The following GHDC variants were observed in gnomAD, a reference collection of about 807,000 sequenced individuals.
GHDC encodes GH3 domain containing.
GHDC carries 39 observed loss-of-function variants against 51.5 expected under a neutral mutation model. The observed-to-expected ratio is 0.76, with a 90% confidence interval of 0.59 to 0.99. The LOEUF (loss-of-function observed/expected upper bound fraction) is 0.99. GHDC is among the 50% of genes least tolerant of loss of function. The probability of loss-of-function intolerance (pLI) is 0.00; values close to 1 mark genes in which losing one functional copy is unlikely to be tolerated. For missense variants in GHDC, 610 were observed against 672.8 expected, an observed-to-expected ratio of 0.91 and a Z score of 1.03; for synonymous variants, 282 against 305.2, an observed-to-expected ratio of 0.92 and a Z score of 0.79.
At position 42,193,045 on chromosome 17, in the gene GHDC, A is replaced by T. The variant is rs375798442; in HGVS notation, c.266-18T>A. 1.2e-5 allele frequency: 20 copies of T among 1,613,978 alleles called. No homozygotes were observed. Among genetic ancestry groups the T allele is most frequent in the Admixed American group, 1.7e-5 (1 of 59,960 alleles). On this transcript the variant is annotated intron_variant, in intron 3 of 9. Transcript: ENST00000587427. ...GCTTATGTCTATAGCCCCAATGACA[A>T]CAGAAACGCCTCAGGAAGCCAGTTT...
intron 9 of GHDC, 110 bp from the exon 10 acceptor site, chr17:42,190,031 G>A (rs1223529883): frequency 6.0e-6 from 8 of 1,331,968 alleles, no homozygotes; most frequent in South Asian, 5.6e-5. Context: ...GTGGACAGGT[G>A]TGTGTCTGTG....
chr17:42,192,936 T>C lies in GHDC; in HGVS notation c.357A>G (p.Ser119=). The change falls in exon 4 of 10, where the codon TCA becomes TCG. Residue 119 remains serine (S), a synonymous_variant. Transcript: ENST00000587427. ...DSGEQPLPPT[S]NQDLGEASLQ... is the part of the protein sequence containing the mutation. ...GAGAGGCCTCCCCAAGGTCCTGGTTTGAGGTCGGGGGCAGTGGCTGCTCTC... is the reference window on the plus strand; with the variant it reads ...GAGAGGCCTCCCCAAGGTCCTGGTTCGAGGTCGGGGGCAGTGGCTGCTCTC... 6.2e-7 allele frequency: 1 copy of C among 1,613,932 alleles called. No individual in the cohort carries two copies. Among genetic ancestry groups the C allele is most frequent in the Non-Finnish European group, 8.5e-7 (1 of 1,179,964 alleles).
At chr17:42,193,695 G>T in intron 2 of GHDC, 72 bp downstream of exon 2, 3 of 1,380,720 alleles carry the variant, frequency 2.2e-6, no homozygotes, top group Non-Finnish European at 2.9e-6. Flanking sequence ...AAATGAAATT[G>T]GGAAGAAGGC....
At position 42,192,283 on chromosome 17, in the gene GHDC, G is replaced by A. The variant is rs1311561814; in HGVS notation, c.847C>T (p.Gln283Ter). Residue 283 changes from glutamine to a stop codon, truncating the protein, a stop_gained, in exon 5 of 10, where the codon CAA becomes TAA. Coordinates refer to ENST00000587427, the MANE Select transcript of GHDC (RefSeq NM_032484.5). LOFTEE classifies it high-confidence loss of function. ...GCAGGAGAGAAGAAGGCTAGTCCTT[G>A]GCACCACAAGGCCCCGAGGGCAGCC... Reference protein sequence around the residue: ...AVAALGALWCQGLAFFSPAYA... With the variant: ...AVAALGALWC 8 of 1,583,202 alleles carry A rather than the reference G, an allele frequency of 5.1e-6. No individual in the cohort carries two copies. Among genetic ancestry groups the A allele is most frequent in the Non-Finnish European group, 6.9e-6 (8 of 1,164,956 alleles).
Position 42,189,768 on chromosome 17 carries a change from CA to C in GHDC, c.1527del (p.Ala510ArgfsTer54). 1 of 1,535,318 alleles carries C rather than the reference CA, an allele frequency of 6.5e-7. No homozygotes were observed. Among genetic ancestry groups the C allele is most frequent in the Non-Finnish European group, 8.8e-7 (1 of 1,141,310 alleles). Reference sequence around the variant, plus strand: ...CTGTGCCGAAGGACCCGGGGCATCGCAGGGGGGAAGGGGGAGGAGGGGCAGG... The same window carrying C: ...CTGTGCCGAAGGACCCGGGGCATCGCGGGGGGAAGGGGGAGGAGGGGCAGG... ...LAACPSSPFP[P>X]AMPRVLRHRH... On this transcript the variant is annotated frameshift_variant, in exon 10 of 10. Coordinates refer to ENST00000587427, the MANE Select transcript of GHDC (RefSeq NM_032484.5). LOFTEE classifies it high-confidence loss of function.
Position 42,189,625 on chromosome 17 carries a change from A to C in GHDC, c.*78T>G. On this transcript the variant is annotated 3_prime_UTR_variant, in exon 10 of 10. Transcript: ENST00000587427. ...ACAGAGTCAGAGACCCTGGCCAAGG[A>C]CTCCCCATCCGGAGAGGTCCCAGAG... The C allele has an allele frequency of 1.5e-6, 1 of 677,420 alleles. No homozygotes were observed. Among genetic ancestry groups the C allele is most frequent in the Non-Finnish European group, 2.3e-6 (1 of 436,168 alleles). The allele number at this position is 677,420 out of a possible 1,614,324, so 42.0% of individuals were successfully genotyped here.
At chr17:42,192,829 A>G in intron 4 of GHDC, 77 bp downstream of exon 4, 1 of 1,570,486 alleles carries the variant, frequency 6.4e-7, no homozygotes, top group Non-Finnish European at 8.6e-7. Flanking sequence ...CCATGACTGG[A>G]GGGTTTGGCT....
Position 42,191,141 on chromosome 17 carries a change from A to G in GHDC, c.959T>C (p.Phe320Ser). ...GLYLLPPGAPFIELLPVKEGT... is the reference protein window; with the variant it reads ...GLYLLPPGAPSIELLPVKEGT... Reference sequence around the variant, plus strand: ...TTCCTTGACTGGGAGCAGCTCGATAAAGGGGGCCCCAGGGGGCAGAAGGTA... The same window carrying G: ...TTCCTTGACTGGGAGCAGCTCGATAGAGGGGGCCCCAGGGGGCAGAAGGTA... Residue 320 changes from phenylalanine to serine, a missense_variant, in exon 6 of 10, where the codon TTT (phenylalanine) becomes TCT (serine). Phe to Ser is a radical substitution (Grantham distance 155). Around this residue, in one of 2 missense-constraint regions of GHDC, gnomAD observed 412 missense variants for 410.4 expected, o/e 1.00. Coordinates refer to ENST00000587427, the MANE Select transcript of GHDC (RefSeq NM_032484.5). The G allele has an allele frequency of 6.4e-7, 1 of 1,554,016 alleles. No individual in the cohort carries two copies. The highest frequency in any genetic ancestry group is 1.7e-4 in the Middle Eastern group (1 of 5,778).
Position 42,193,392 on chromosome 17 carries a change from G to A in GHDC, c.190C>T (p.Gln64Ter), listed in dbSNP as rs1318634567. The A allele has an allele frequency of 6.3e-7, 1 of 1,597,044 alleles. No homozygotes were observed. Among genetic ancestry groups the A allele is most frequent in the Non-Finnish European group, 8.5e-7 (1 of 1,172,174 alleles). Reference sequence around the variant, plus strand: ...CACCTCAGGGCCTGCTGCTGGCTCTGGTGCACATGGAGCGTGCTCTGCTCC... The same window carrying A: ...CACCTCAGGGCCTGCTGCTGGCTCTAGTGCACATGGAGCGTGCTCTGCTCC... ...RLEQSTLHVHQSQQQALRWCL... is the reference protein window; with the variant it reads ...RLEQSTLHVH The change falls in exon 3 of 10, where the codon CAG becomes TAG. Residue 64 changes from glutamine (Q) to a stop codon, truncating the protein, a stop_gained. Transcript: ENST00000587427. LOFTEE classifies it high-confidence loss of function.
In GHDC at chr17:42,192,459, A is replaced by G; in HGVS notation, c.671T>C (p.Ile224Thr). The G allele has an allele frequency of 6.2e-7, 1 of 1,613,716 alleles. No homozygotes were observed. Among genetic ancestry groups the G allele is most frequent in the Non-Finnish European group, 8.5e-7 (1 of 1,180,020 alleles). ...AGGCGCTCCAGGGTTCCCGGCAGCT[A>G]TCGCCCCAGCTAGCTCTTCACCATC... ...ETDGEELAGA[I>T]AAGNPGAPLR... Residue 224 changes from isoleucine to threonine, a missense_variant, in exon 5 of 10, where the codon ATA becomes ACA. Physicochemically the swap from Ile to Thr is moderately conservative, Grantham distance 89. Around this residue, in one of 2 missense-constraint regions of GHDC, gnomAD observed 412 missense variants for 410.4 expected, o/e 1.00. Transcript: ENST00000587427.
intron 5 of GHDC, 24 bp from the exon 6 acceptor site, chr17:42,191,234 C>T (rs756554135): frequency 1.4e-6 from 2 of 1,480,294 alleles, no homozygotes; most frequent in Non-Finnish European, 8.9e-7. Context: ...GCAGCCTCCT[C>T]AGCGTCTGCT....
chr17:42,190,101 C>T, intron 9 of GHDC, 84 bp downstream of exon 9: 5 of 1,501,750 alleles, frequency 3.3e-6, no homozygotes, highest in South Asian at 2.6e-5. Flanking sequence ...CCCTCTCCTT[C>T]CCATCAGCCC....
At chr17:42,193,151 C>T (rs2079983038) in intron 3 of GHDC, 124 bp from the exon 4 acceptor site, 1 of 1,545,162 alleles carries the variant, frequency 6.5e-7, no homozygotes, top group Non-Finnish European at 8.8e-7. Flanking sequence ...ATGTAAGGAC[C>T]CAGCATGGGA....
Position 42,193,381 on chromosome 17 carries a change from C to G in GHDC, c.201G>C (p.Gln67His). ...CCTGTAGACACCACCTCAGGGCCTG[C>G]TGCTGGCTCTGGTGCACATGGAGCG... is the stretch of plus-strand genomic sequence containing the variant. ...QSTLHVHQSQ[Q>H]QALRWCLQGA... The change falls in exon 3 of 10, where the codon CAG becomes CAC. Residue 67 changes from glutamine (Q) to histidine (H), a missense_variant. Transcript: ENST00000587427. 6.2e-7 allele frequency: 1 copy of G among 1,601,662 alleles called. No individual in the cohort carries two copies. The highest frequency in any genetic ancestry group is 8.5e-7 in the Non-Finnish European group (1 of 1,174,510).
rs1296030601 is a variant in GHDC, at chr17:42,193,552, C to T, written c.30G>A (p.Leu10=). The T allele has an allele frequency of 6.5e-7, 1 of 1,540,442 alleles. No homozygotes were observed. ...GCAGGGCCAATGTTGGCAGCAGCAG[C>T]AGCAGCAGCAGCAGTGGCCACAGCA... is the stretch of plus-strand genomic sequence containing the variant. MLLWPLLLL[L]LLLPTLALLR... The change falls in exon 3 of 10, where the codon CTG becomes CTA. Residue 10 remains leucine, a synonymous_variant. Coordinates refer to ENST00000587427, the MANE Select transcript of GHDC (RefSeq NM_032484.5).
At position 42,190,212 on chromosome 17, in the gene GHDC, C is replaced by T. The variant is rs554513459; in HGVS notation, c.1347G>A (p.Arg449=). 1.9e-6 allele frequency: 3 copies of T among 1,614,086 alleles called. No homozygotes were observed. The highest frequency in any genetic ancestry group is 3.3e-4 in the Middle Eastern group (2 of 6,060). ...YEVFVALRGL[R]NLSEENRDKL... The stretch of plus-strand genomic sequence containing the variant: ...TGTCTCGATTTTCCTCTGACAGATT[C>T]CTCAGCCCCCTCAGCGCCACAAACA... The change falls in exon 9 of 10, where the codon AGG becomes AGA. Residue 449 remains arginine, a synonymous_variant. Transcript: ENST00000587427.
Position 42,191,073 on chromosome 17 carries a change from C to T in GHDC, c.1027G>A (p.Ala343Thr). 6.3e-7 allele frequency: 1 copy of T among 1,581,430 alleles called. No homozygotes were observed. The highest frequency in any genetic ancestry group is 1.4e-5 in the African/African-American group (1 of 73,482). ...EAASTLLLAE[A>T]QQGKEYELVL... ...AGCTCATACTCCTTGCCCTGCTGGG[C>T]CTCGGCCAAAAGGAGGGTGGAGGCA... Residue 343 changes from alanine (A) to threonine (T), a missense_variant, in exon 6 of 10, where the codon GCC becomes ACC. By Grantham distance (58) the Ala-to-Thr change is moderately conservative (BLOSUM62 0). Coordinates refer to ENST00000587427, the MANE Select transcript of GHDC (RefSeq NM_032484.5).
intron 3 of GHDC, 89 bp from the exon 4 acceptor site, chr17:42,193,116 C>A (rs748960480): frequency 2.5e-5 from 40 of 1,588,840 alleles, no homozygotes; most frequent in Non-Finnish European, 3.0e-5. Context: ...AGGGAGGAAC[C>A]GAGAATAGGC....
intron 5 of GHDC, 33 bp from the exon 6 acceptor site, chr17:42,191,243 C>A: frequency 6.8e-7 from 1 of 1,468,442 alleles, no homozygotes; most frequent in Non-Finnish European, 9.0e-7. Context: ...TCAGCGTCTG[C>A]TGGTGCCATC....
Sources: gnomAD v4.1 joint callset for allele counts on GRCh38, gnomAD v4.1.1 for gene constraint, gnomAD v4.1.1 regional missense constraint, MANE v1.5 for transcripts, NCBI Gene and HGNC (gene_info 2026-07-23, HGNC 2026-07-21) for gene names.